The following TNKS2 variants were observed in gnomAD, a reference collection of about 807,000 sequenced individuals.
The protein encoded by TNKS2 is tankyrase 2.
Under a neutral mutation model 137.6 loss-of-function variants are expected in TNKS2, and 72 were observed. The observed-to-expected ratio is 0.52, with a 90% CI of 0.43 to 0.64. The LOEUF is 0.64. TNKS2 is among the 30% of genes least tolerant of loss of function. TNKS2 has a pLI of 0.00. For synonymous variants in TNKS2, 516 were observed against 512.1 expected, an observed-to-expected ratio of 1.01 and a Z score of -0.10; for missense variants, 1,049 against 1,410.2, an observed-to-expected ratio of 0.74 and a Z score of 4.10.
chr10:91,798,924 G>C (rs1171319615), intron 1 of TNKS2, 35 bp downstream of exon 1: 6 of 1,337,280 alleles, frequency 4.5e-6, no homozygotes, highest in African/African-American at 3.1e-5. Flanking sequence ...CCTCGCTCCA[G>C]ACCCCACCTG....
chr10:91,848,900 G>A (rs1842462413), intron 19 of TNKS2, among the ~76,000 whole-genome samples: 1 of 152,094 alleles, frequency 6.6e-6, no homozygotes, highest in African/African-American at 2.4e-5. Flanking sequence ...GCAGTGGCGC[G>A]ATCTCGGCTC....
At chr10:91,834,500 T>C (rs907888927) in intron 12 of TNKS2, among the ~76,000 whole-genome samples, 4 of 152,222 alleles carry the variant, frequency 2.6e-5, no homozygotes, top group African/African-American at 9.7e-5. Context: ...AGCCCAGATA[T>C]CTGGTCCCAT....
rs369959530 is a variant in TNKS2, at chr10:91,848,643, G to T, written c.2611+8G>T. On this transcript the variant is annotated splice_region_variant and intron_variant, in intron 19 of 26. Transcript: ENST00000371627. ...GTTTGGAGAAAAAGGAGGGTGAGAC[G>T]TTCTACAAAAATAACTTTCTAACTG... 2 of 1,612,780 alleles carry T rather than the reference G, an allele frequency of 1.2e-6. No individual in the cohort carries two copies. Among genetic ancestry groups the T allele is most frequent in the South Asian group, 2.2e-5 (2 of 90,906 alleles).
At chr10:91,817,712 A>C (rs1278126564) in intron 3 of TNKS2, among the ~76,000 whole-genome samples, 1 of 152,178 alleles carries the variant, frequency 6.6e-6, no homozygotes, top group Non-Finnish European at 1.5e-5. Context: ...ACTTTTCAGA[A>C]GAGGATTCTA....
chr10:91,820,970 G>C (rs933696134), intron 6 of TNKS2, among the ~76,000 whole-genome samples: 1 of 152,198 alleles, frequency 6.6e-6, no homozygotes, highest in Non-Finnish European at 1.5e-5. Context: ...AGGCAAAATT[G>C]TTTGGAGGGA....
intron 7 of TNKS2, among the ~76,000 whole-genome samples, chr10:91,823,330 T>TGG (rs1844964120): frequency 8.5e-5 from 11 of 129,638 alleles, no homozygotes; most frequent in Admixed American, 7.0e-4. Flanking sequence ...GTTTTTTTTT[T>TGG]TTTTTTTTTT....
chr10:91,849,384 A>G lies in TNKS2; in HGVS notation c.2612-128A>G, dbSNP rs1842475897. 5 of 649,940 alleles carry G rather than the reference A, an allele frequency of 7.7e-6. No individual in the cohort carries two copies. The South Asian group carries it at 1.3e-4, about 17-fold the overall frequency. 40.3% of individuals were successfully genotyped at this position (649,940 alleles called of 1,614,324 possible). A position where few individuals can be genotyped will look rare whatever the true frequency, so the allele number is the denominator to read the frequency against. ...TTGTAGCTTTCTCTTGTTCAGTATT[A>G]TATCCTAAGTGGCTATTAATATTAT... is the stretch of plus-strand genomic sequence containing the variant. On this transcript the variant is annotated intron_variant, in intron 19 of 26. Transcript: ENST00000371627.
chr10:91,863,154 TA>T lies in TNKS2; in HGVS notation c.*158del, dbSNP rs1432116818. ...AACGAAGTTTAACATTCTGACTTGA[TA>T]AAGCTTTAATAATGTACAGTGTTTT... is the stretch of plus-strand genomic sequence containing the variant. On this transcript the variant is annotated 3_prime_UTR_variant, in exon 27 of 27. Transcript: ENST00000371627. 3 of 566,720 alleles carry T rather than the reference TA, an allele frequency of 5.3e-6. No individual in the cohort carries two copies. Among genetic ancestry groups the T allele is most frequent in the Non-Finnish European group, 9.4e-6 (3 of 319,436 alleles). 35.1% of individuals were successfully genotyped at this position (566,720 alleles called of 1,614,324 possible). A position where few individuals can be genotyped will look rare whatever the true frequency, so the allele number is the denominator to read the frequency against.
At position 91,798,860 on chromosome 10, in the gene TNKS2, G is replaced by C; in HGVS notation, c.170G>C (p.Arg57Thr). ...GTGAACAGCCGCGACACGGCGGGCAGGAAATCCACCCCGCTGCACTTCGCC... is the reference window on the plus strand; with the variant it reads ...GTGAACAGCCGCGACACGGCGGGCACGAAATCCACCCCGCTGCACTTCGCC... ...EKVNSRDTAG[R>T]KSTPLHFAAG... Residue 57 changes from arginine (R) to threonine (T), a missense_variant, in exon 1 of 27, where the codon AGG becomes ACG. Arg to Thr is a moderately conservative substitution (Grantham distance 71). This residue lies in a region of TNKS2 where 374 missense variants were observed against 460.8 expected (regional missense o/e 0.81). Transcript: ENST00000371627. 1 of 1,363,962 alleles carries C rather than the reference G, an allele frequency of 7.3e-7. No homozygotes were observed. The highest frequency in any genetic ancestry group is 1.5e-5 in the African/African-American group (1 of 66,358). 84.5% of individuals were successfully genotyped at this position (1,363,962 alleles called of 1,614,324 possible).
intron 3 of TNKS2, among the ~76,000 whole-genome samples, chr10:91,817,519 AC>A (rs1294456541): frequency 6.6e-6 from 1 of 152,316 alleles, no homozygotes; most frequent in African/African-American, 2.4e-5. Flanking sequence ...TTTTTTAAAT[AC>A]CCCTGAGTTT....
intron 1 of TNKS2, among the ~76,000 whole-genome samples, chr10:91,808,912 A>T (rs1242538249): frequency 6.6e-6 from 1 of 152,048 alleles, no homozygotes; most frequent in Non-Finnish European, 1.5e-5. Flanking sequence ...TCTGCCACAA[A>T]CCTATTTTCA....
At position 91,801,772 on chromosome 10, in the gene TNKS2, A is replaced by G. The variant is rs188276304; in HGVS notation, c.199+2883A>G. Among the ~76,000 whole-genome samples, 812 of 152,270 alleles carry G rather than the reference A, an allele frequency of 5.3e-3. 6 individuals are homozygous for G. Among genetic ancestry groups the G allele is most frequent in the African/African-American group, 0.019 (770 of 41,554 alleles). ...CAGGCGTGAGCCACTGCGCCCGGCC[A>G]GGAATGATTTTTTTCCAACACAACA... On this transcript the variant is annotated intron_variant, in intron 1 of 26. Transcript: ENST00000371627.
At chr10:91,860,101 C>T (rs760483539) in intron 25 of TNKS2, among the ~76,000 whole-genome samples, 21 of 152,154 alleles carry the variant, frequency 1.4e-4, no homozygotes, top group Admixed American at 2.6e-4. Flanking sequence ...ACTATAAGAA[C>T]TTGAAATTAA....
chr10:91,858,228 A>G (rs796304850), intron 24 of TNKS2, among the ~76,000 whole-genome samples: 39 of 152,234 alleles, frequency 2.6e-4, no homozygotes, highest in African/African-American at 9.1e-4. Context: ...AAACACAGTA[A>G]ATTTCATAAT....
chr10:91,840,924 A>G (rs1259345979), intron 14 of TNKS2, among the ~76,000 whole-genome samples: 1 of 152,252 alleles, frequency 6.6e-6, no homozygotes, highest in Admixed American at 6.5e-5. Flanking sequence ...TATAATGGCC[A>G]AGGAGATTAT....
At chr10:91,862,293 G>A (rs1842872746) in intron 26 of TNKS2, 138 bp downstream of exon 26, 3 of 640,994 alleles carry the variant, frequency 4.7e-6, no homozygotes, top group African/African-American at 1.9e-5. Flanking sequence ...TTTCAGATTT[G>A]GAAAGTTACA....
chr10:91,849,186 C>T (rs1314164198), intron 19 of TNKS2, among the ~76,000 whole-genome samples: 2 of 152,214 alleles, frequency 1.3e-5, no homozygotes, highest in Non-Finnish European at 2.9e-5. Flanking sequence ...TTCATCCCAC[C>T]TTATGCAACA....
At chr10:91,837,081 C>T (rs1199541331) in intron 13 of TNKS2, 83 bp downstream of exon 13, 2 of 1,386,160 alleles carry the variant, frequency 1.4e-6, no homozygotes, top group Non-Finnish European at 2.0e-6. Context: ...CAATGAAGAG[C>T]CTGGTTTATT....
At chr10:91,804,920 C>T (rs570229935) in intron 1 of TNKS2, among the ~76,000 whole-genome samples, 39 of 152,154 alleles carry the variant, frequency 2.6e-4, no homozygotes, top group Admixed American at 5.9e-4. Context: ...TGTACCACCA[C>T]GCCTGGCTAA....
Sources: gnomAD v4.1 joint callset for allele counts (sites outside exome capture counted in the v4.1 genomes callset) on GRCh38, gnomAD v4.1.1 for gene constraint, gnomAD v4.1.1 regional missense constraint, MANE v1.5 for transcripts, NCBI Gene and HGNC (gene_info 2026-07-23, HGNC 2026-07-21) for gene names.